SEC14L5: variants seen among roughly 807,000 people sequenced by gnomAD.
The protein encoded by SEC14L5 is SEC14-like protein 5.
In SEC14L5, 96 loss-of-function variants were observed where a neutral mutation model predicts 84.6. That is an observed-to-expected ratio of 1.13 (90% CI 0.96 to 1.34). The LOEUF is 1.34. Ranked by LOEUF, SEC14L5 falls within the 40% of genes most tolerant of loss-of-function variation. The probability of loss-of-function intolerance (pLI) is 0.00; values close to 1 mark genes in which losing one functional copy is unlikely to be tolerated. For synonymous variants in SEC14L5, 546 were observed against 383.4 expected, an observed-to-expected ratio of 1.42 and a Z score of -4.95; for missense variants, 1,224 against 942.5, an observed-to-expected ratio of 1.30 and a Z score of -3.91.
chr16:5,005,454 A>C (rs1263019872), intron 11 of SEC14L5, among the ~76,000 whole-genome samples: 3 of 152,028 alleles, frequency 2.0e-5, no homozygotes, highest in Admixed American at 2.0e-4. Flanking sequence ...TGGGGTGATG[A>C]ACATGTCTAG....
chr16:4,989,889 A>G (rs1955534311), intron 4 of SEC14L5, among the ~76,000 whole-genome samples: 2 of 152,128 alleles, frequency 1.3e-5, no homozygotes, highest in Non-Finnish European at 2.9e-5. Flanking sequence ...GAATCTGCAT[A>G]TTTTAACAGA....
rs74005469 is a variant in SEC14L5, at chr16:4,999,006, G to C, written c.971-1649G>C. ...CCCATCACGCATGCTGTCTGCTGAA[G>C]TTGAATGACGCGGCTCCTGCCTTTT... On this transcript the variant is annotated intron_variant, in intron 8 of 15. Transcript: ENST00000251170. Among the ~76,000 whole-genome samples the C allele has an allele frequency of 8.2e-3, 1,256 of 152,334 alleles. 12 individuals are homozygous for C. The highest frequency in any genetic ancestry group is 0.028 in the African/African-American group (1,184 of 41,564).
intron 2 of SEC14L5, among the ~76,000 whole-genome samples, chr16:4,961,207 A>G (rs1448751675): frequency 2.0e-5 from 3 of 152,120 alleles, no homozygotes; most frequent in Non-Finnish European, 4.4e-5. Flanking sequence ...CAGGAGGCAG[A>G]CGTTGCAGAG....
At position 4,991,901 on chromosome 16, in the gene SEC14L5, C is replaced by T. The variant is rs774706819; in HGVS notation, c.538C>T (p.Arg180Cys). ...LISQGTSHIP[R>C]WTPAPVREED... ...CTCCCAGGGTACCTCGCACATTCCGCGCTGGACGCCTGCCCCAGTCCGTGA... is the reference window on the plus strand; with the variant it reads ...CTCCCAGGGTACCTCGCACATTCCGTGCTGGACGCCTGCCCCAGTCCGTGA... Residue 180 changes from arginine (R) to cysteine (C), a missense_variant, in exon 6 of 16, where the codon CGC (arginine) becomes TGC (cysteine). Coordinates refer to ENST00000251170, the MANE Select transcript of SEC14L5 (RefSeq NM_014692.2). 17 of 1,608,762 alleles carry T rather than the reference C, an allele frequency of 1.1e-5. No homozygotes were observed. The highest frequency in any genetic ancestry group is 2.2e-5 in the East Asian group (1 of 44,820).
At chr16:4,984,178 C>A (rs1480482606) in intron 2 of SEC14L5, among the ~76,000 whole-genome samples, 2 of 152,152 alleles carry the variant, frequency 1.3e-5, no homozygotes, top group African/African-American at 4.8e-5. Context: ...TCCCTCAACA[C>A]CCCCACCATC....
At chr16:4,993,046 T>C (rs1467315870) in intron 6 of SEC14L5, among the ~76,000 whole-genome samples, 1 of 149,160 alleles carries the variant, frequency 6.7e-6, no homozygotes. Context: ...TTAATAAATA[T>C]TAATTATTTA....
chr16:4,999,775 C>T lies in SEC14L5; in HGVS notation c.971-880C>T, dbSNP rs551309835. Among the ~76,000 whole-genome samples the T allele has an allele frequency of 6.6e-5, 10 of 151,600 alleles. No individual in the cohort carries two copies. In the South Asian group the frequency reaches 1.3e-3, roughly 19 times the overall value. ...CTAAAAATACCAAAAATTAGCCAAG[C>T]GTGGTGGTGCATGCCGGTAGTCCCA... On this transcript the variant is annotated intron_variant, in intron 8 of 15. Coordinates refer to ENST00000251170, the MANE Select transcript of SEC14L5 (RefSeq NM_014692.2).
Position 4,991,887 on chromosome 16 carries a change from C to T in SEC14L5, c.524C>T (p.Thr175Ile), listed in dbSNP as rs754875748. The T allele has an allele frequency of 2.5e-6, 4 of 1,610,400 alleles. No individual in the cohort carries two copies. The South Asian group carries it at 3.3e-5, about 13-fold the overall frequency. ...HYLNELISQG[T>I]SHIPRWTPAP... is the part of the protein sequence containing the mutation. The stretch of plus-strand genomic sequence containing the variant: ...CTGAATGAGCTCATCTCCCAGGGTA[C>T]CTCGCACATTCCGCGCTGGACGCCT... The change falls in exon 6 of 16, where the codon ACC becomes ATC. Residue 175 changes from threonine to isoleucine, a missense_variant. By Grantham distance (89) the Thr-to-Ile change is moderately conservative. Transcript: ENST00000251170.
chr16:4,961,873 C>T (rs1955125050), intron 2 of SEC14L5, among the ~76,000 whole-genome samples: 1 of 152,006 alleles, frequency 6.6e-6, no homozygotes. Flanking sequence ...TGAACAAGTG[C>T]TTGGGTCTTA....
At chr16:5,010,529 C>T (rs544140941) in intron 14 of SEC14L5, among the ~76,000 whole-genome samples, 4 of 152,124 alleles carry the variant, frequency 2.6e-5, no homozygotes, top group African/African-American at 7.2e-5. Flanking sequence ...ACCAGCTCCA[C>T]GAGCACTGGC....
intron 2 of SEC14L5, among the ~76,000 whole-genome samples, chr16:4,980,559 G>T (rs1410778650): frequency 1.3e-5 from 2 of 152,174 alleles, no homozygotes; most frequent in African/African-American, 2.4e-5. Flanking sequence ...CCAAGTGCGT[G>T]TTATGTTCTT....
At chr16:4,989,364 G>A (rs1312228822) in intron 4 of SEC14L5, among the ~76,000 whole-genome samples, 2 of 144,264 alleles carry the variant, frequency 1.4e-5, no homozygotes, top group East Asian at 2.0e-4. Context: ...AGACAGTCTC[G>A]CTCTGTGGCC....
chr16:4,998,667 G>A (rs1005372898), intron 8 of SEC14L5, among the ~76,000 whole-genome samples: 1 of 146,940 alleles, frequency 6.8e-6, no homozygotes, highest in Admixed American at 6.9e-5. Context: ...GAACCCGGGA[G>A]GCGGAGCTTG....
At chr16:4,977,538 C>G (rs139540529) in intron 2 of SEC14L5, among the ~76,000 whole-genome samples, 11 of 149,666 alleles carry the variant, frequency 7.3e-5, no homozygotes, top group African/African-American at 2.2e-4. Flanking sequence ...AAATGCCTAC[C>G]AAGGGCAACT....
chr16:5,011,529 G>A (rs1020439447), intron 15 of SEC14L5, among the ~76,000 whole-genome samples: 1 of 152,192 alleles, frequency 6.6e-6, no homozygotes, highest in African/African-American at 2.4e-5. Context: ...CAACTTTTTG[G>A]AGCAGTTGGA....
chr16:4,988,428 T>C, intron 4 of SEC14L5, 148 bp downstream of exon 4: 2 of 1,009,790 alleles, frequency 2.0e-6, no homozygotes, highest in Admixed American at 5.5e-5. Context: ...GGATGCTTGG[T>C]TGCCTTTGCA....
chr16:4,988,663 G>T (rs1444390770), intron 4 of SEC14L5, among the ~76,000 whole-genome samples: 2 of 152,026 alleles, frequency 1.3e-5, no homozygotes, highest in Non-Finnish European at 2.9e-5. Context: ...TGTGAAATGG[G>T]CTTAATAATC....
At chr16:4,958,715 G>A (rs1024037871) in intron 1 of SEC14L5, among the ~76,000 whole-genome samples, 1 of 152,204 alleles carries the variant, frequency 6.6e-6, no homozygotes, top group African/African-American at 2.4e-5. Context: ...CGTGTTTCAG[G>A]GTGTGTGTGC....
At chr16:4,978,883 G>C (rs1189031354) in intron 2 of SEC14L5, among the ~76,000 whole-genome samples, 1 of 152,190 alleles carries the variant, frequency 6.6e-6, no homozygotes, top group African/African-American at 2.4e-5. Context: ...TTACAGGCGT[G>C]AGCCACTGCA....
Sources: allele counts gnomAD v4.1 joint callset (sites outside exome capture counted in the v4.1 genomes callset), GRCh38; gene constraint gnomAD v4.1.1; transcripts MANE v1.5; gene names NCBI Gene and HGNC (gene_info 2026-07-23, HGNC 2026-07-21).